Variants in TMEM132B observed in about 807,000 individuals in gnomAD.
TMEM132B encodes transmembrane protein 132B.
In TMEM132B, 18 loss-of-function variants were observed where a neutral mutation model predicts 90.8. The observed-to-expected ratio is 0.20, with a 90% CI of 0.14 to 0.29. The LOEUF is 0.29. Among genes scored for constraint, TMEM132B ranks in the 10% least tolerant of loss-of-function variants. The pLI is 1.00. For synonymous variants in TMEM132B, 504 were observed against 523.3 expected, an observed-to-expected ratio of 0.96 and a Z score of 0.50; for missense variants, 1,096 against 1,326.8, an observed-to-expected ratio of 0.83 and a Z score of 2.70.
At chr12:125,569,872 C>T (rs933451488) in intron 4 of TMEM132B, among the ~76,000 whole-genome samples, 7 of 152,110 alleles carry the variant, frequency 4.6e-5, no homozygotes, top group Non-Finnish European at 7.4e-5. Flanking sequence ...TCTTCATTTT[C>T]ATTCCAAATT....
chr12:125,401,836 T>C (rs1433285919), intron 2 of TMEM132B, among the ~76,000 whole-genome samples: 1 of 152,124 alleles, frequency 6.6e-6, no homozygotes, highest in Non-Finnish European at 1.5e-5. Flanking sequence ...GGATTTTTTT[T>C]TCTTCCTTGA....
At chr12:125,275,378 A>G (rs1038703733) in intron 1 of TMEM132B, among the ~76,000 whole-genome samples, 1 of 152,176 alleles carries the variant, frequency 6.6e-6, no homozygotes, top group Non-Finnish European at 1.5e-5. Flanking sequence ...TCAGGAAGTT[A>G]TTGGTAGCAC....
intron 4 of TMEM132B, among the ~76,000 whole-genome samples, chr12:125,582,718 A>G (rs958610645): frequency 2.0e-5 from 3 of 152,200 alleles, no homozygotes; most frequent in African/African-American, 7.2e-5. Flanking sequence ...GATTTATTGC[A>G]TGCTTGTTGC....
intron 1 of TMEM132B, among the ~76,000 whole-genome samples, chr12:125,332,236 C>T (rs922270866): frequency 6.6e-6 from 1 of 152,106 alleles, no homozygotes; most frequent in Non-Finnish European, 1.5e-5. Flanking sequence ...AGAACAGTGA[C>T]TGGTACTCAG....
rs912528074 is a variant in TMEM132B at position 125,246,813 on chromosome 12, G to T, written c.67+59947G>T. On this transcript the variant is annotated intron_variant, in intron 1 of 8. Coordinates refer to ENST00000682704, the MANE Select transcript of TMEM132B (RefSeq NM_001366854.1). The surrounding 1 kb of genome is among the most constrained non-coding windows in gnomAD (Gnocchi z 4.2). ...GCAGTCTGGAGGCATCTGTCATTTT[G>T]AATCCATCTGCTTGTTAGGCACTTC... Among the ~76,000 whole-genome samples the T allele has an allele frequency of 1.3e-4, 20 of 152,032 alleles. No individual in the cohort carries two copies. The highest frequency in any genetic ancestry group is 2.8e-4 in the Non-Finnish European group (19 of 68,028).
At chr12:125,481,240 T>C (rs1305264866) in intron 3 of TMEM132B, among the ~76,000 whole-genome samples, 1 of 152,174 alleles carries the variant, frequency 6.6e-6, no homozygotes. Flanking sequence ...AACACAGTGT[T>C]GGAAGTTCTG....
At chr12:125,388,078 T>TTA (rs1878896843) in intron 2 of TMEM132B, among the ~76,000 whole-genome samples, 1 of 152,086 alleles carries the variant, frequency 6.6e-6, no homozygotes, top group African/African-American at 2.4e-5. Flanking sequence ...AACACAGGAT[T>TTA]TGGTTGTGGG....
intron 1 of TMEM132B, among the ~76,000 whole-genome samples, chr12:125,282,096 A>G (rs1347509115): frequency 6.8e-6 from 1 of 147,488 alleles, no homozygotes; most frequent in Non-Finnish European, 1.5e-5. Context: ...GTGTGCTCCA[A>G]TTGCTTATTG....
At chr12:125,639,265 G>A (rs1241288372) in intron 5 of TMEM132B, among the ~76,000 whole-genome samples, 1 of 152,184 alleles carries the variant, frequency 6.6e-6, no homozygotes, top group Admixed American at 6.5e-5. Flanking sequence ...ACATTTATCA[G>A]CTTTGTTCCT....
At chr12:125,364,962 G>T (rs1878080540) in intron 2 of TMEM132B, among the ~76,000 whole-genome samples, 1 of 151,792 alleles carries the variant, frequency 6.6e-6, no homozygotes, top group South Asian at 2.1e-4. Flanking sequence ...TTGATAATCT[G>T]TATTTTAATT....
chr12:125,273,591 A>G (rs1874905640), intron 1 of TMEM132B, among the ~76,000 whole-genome samples: 1 of 152,182 alleles, frequency 6.6e-6, no homozygotes, highest in African/African-American at 2.4e-5. Context: ...TGTCTCAAAA[A>G]CAGAAAAGAA....
At chr12:125,470,399 G>A (rs933518804) in intron 3 of TMEM132B, among the ~76,000 whole-genome samples, 6 of 152,232 alleles carry the variant, frequency 3.9e-5, no homozygotes, top group Middle Eastern at 3.4e-3. Flanking sequence ...TCTGCATTGC[G>A]GTTGGAGTCT....
Position 125,220,954 on chromosome 12 carries a change from G to C in TMEM132B, c.67+34088G>C, listed in dbSNP as rs192678183. Among the ~76,000 whole-genome samples, 127 of 152,350 alleles carry C rather than the reference G, an allele frequency of 8.3e-4. 4 individuals are homozygous for C. Among genetic ancestry groups the C allele is most frequent in the Admixed American group, 7.7e-3 (118 of 15,304 alleles). ...AGAGGCCCAGCACCCATTTGCCCCA[G>C]GGCCTTTGCACGTGCAATTCTGTTT... On this transcript the variant is annotated intron_variant, in intron 1 of 8. Transcript: ENST00000682704.
intron 1 of TMEM132B, among the ~76,000 whole-genome samples, chr12:125,190,912 T>C (rs373700944): frequency 2.7e-5 from 1 of 37,318 alleles, no homozygotes; most frequent in South Asian, 1.6e-3. Context: ...GTGGTGGTGA[T>C]GGGGAAGGGG....
At chr12:125,487,171 A>G (rs989074389) in intron 3 of TMEM132B, among the ~76,000 whole-genome samples, 2 of 152,224 alleles carry the variant, frequency 1.3e-5, no homozygotes, top group African/African-American at 4.8e-5. Flanking sequence ...TATAACAGGT[A>G]CATCTCCTTT....
chr12:125,346,626 T>C (rs938564294), intron 1 of TMEM132B, among the ~76,000 whole-genome samples: 4 of 152,186 alleles, frequency 2.6e-5, no homozygotes, highest in Non-Finnish European at 5.9e-5. Context: ...TTGCTCGACA[T>C]TGTCAAAATA....
chr12:125,283,357 A>G (rs545774464), intron 1 of TMEM132B, among the ~76,000 whole-genome samples: 1 of 152,308 alleles, frequency 6.6e-6, no homozygotes, highest in East Asian at 1.9e-4. Flanking sequence ...TTGAATATGT[A>G]TTATATTCCG....
chr12:125,539,011 C>T (rs193085421), intron 4 of TMEM132B, among the ~76,000 whole-genome samples: 7 of 152,312 alleles, frequency 4.6e-5, no homozygotes, highest in South Asian at 2.1e-4. Context: ...CCTGCCAGAC[C>T]GCCTGTCCTG....
At chr12:125,331,893 A>G (rs1443861474) in intron 1 of TMEM132B, among the ~76,000 whole-genome samples, 1 of 152,142 alleles carries the variant, frequency 6.6e-6, no homozygotes, top group Non-Finnish European at 1.5e-5. Flanking sequence ...AGCTGGGACT[A>G]CAGACACTTG....
Sources: allele counts gnomAD v4.1 joint callset (sites outside exome capture counted in the v4.1 genomes callset), GRCh38; gene constraint gnomAD v4.1.1; non-coding constraint Gnocchi (gnomAD v3.1); transcripts MANE v1.5; gene names NCBI Gene and HGNC (gene_info 2026-07-23, HGNC 2026-07-21).